NBPF9: variants seen among roughly 807,000 people sequenced by gnomAD.
The protein encoded by NBPF9 is NBPF member 9.
NBPF9 carries 91 observed loss-of-function variants against 97.8 expected under a neutral mutation model. That is an observed-to-expected ratio of 0.93 (90% CI 0.79 to 1.11). The LOEUF (loss-of-function observed/expected upper bound fraction) is 1.11. Ranked by LOEUF, NBPF9 falls within the 50% of genes least tolerant of loss-of-function variation. The pLI, the probability that NBPF9 is intolerant of heterozygous loss-of-function variation, is 0.00. For synonymous variants in NBPF9, 334 were observed against 359.5 expected (o/e 0.93, Z 0.80); for missense variants, 992 against 939.5 (o/e 1.06, Z -0.73).
chr1:149,075,162 G>A (rs1435261626), intron 12 of NBPF9, among the ~76,000 whole-genome samples: 1 of 151,670 alleles, frequency 6.6e-6, no homozygotes, highest in Non-Finnish European at 1.5e-5. Context: ...GTTCTATTAG[G>A]AGTAGACTCC....
At chr1:149,052,471 G>A (rs1361294394), downstream of NBPF9, among the ~76,000 whole-genome samples, 1 of 151,652 alleles carries the variant, frequency 6.6e-6, no homozygotes, top group African/African-American at 2.4e-5. Context: ...CATTGGGATG[G>A]GCAGACTAAG....
intron 5 of NBPF9, among the ~76,000 whole-genome samples, chr1:149,088,788 G>A (rs1340409224): frequency 6.6e-6 from 1 of 152,058 alleles, no homozygotes; most frequent in Non-Finnish European, 1.5e-5. Flanking sequence ...GGAGGCTGAG[G>A]CAGGCGGATC....
At chr1:149,070,802 A>C in intron 16 of NBPF9, 132 bp downstream of exon 16, 5 of 1,489,560 alleles carry the variant, frequency 3.4e-6, no homozygotes, top group Non-Finnish European at 4.6e-6. Flanking sequence ...AGGACAAAAA[A>C]CTCCCTGATA....
At chr1:149,085,148 G>A (rs2080885337) in intron 5 of NBPF9, among the ~76,000 whole-genome samples, 3 of 151,970 alleles carry the variant, frequency 2.0e-5, no homozygotes, top group Admixed American at 6.6e-5. Flanking sequence ...CATGGGCTGG[G>A]GGCCAGGGAT....
chr1:149,080,142 A>G (rs373006661), exon 8 of NBPF9: 70,955 of 1,332,572 alleles, frequency 0.053, 686 homozygotes, highest in East Asian at 0.38. Context: ...TGAGGTCTTT[A>G]CACTCTTCAT....
At chr1:149,101,587 C>T (rs1409460246) in intron 2 of NBPF9, among the ~76,000 whole-genome samples, 1 of 152,090 alleles carries the variant, frequency 6.6e-6, no homozygotes, top group Non-Finnish European at 1.5e-5. Flanking sequence ...TTAACAGGCA[C>T]TTCACAAAAG....
intron 20 of NBPF9, among the ~76,000 whole-genome samples, 163 bp from the exon 21 acceptor site, chr1:149,063,076 A>G (rs188890175): frequency 0.02 from 2,669 of 136,468 alleles, 77 homozygotes; most frequent in African/African-American, 0.077. Context: ...CACCATAGAG[A>G]TTCCTTGGTT....
exon 30 of NBPF9, chr1:149,055,660 T>A (rs1553648618): frequency 1.2e-6 from 2 of 1,611,780 alleles, no homozygotes; most frequent in African/African-American, 2.7e-5. Flanking sequence ...GGCTGCTTAT[T>A]GTGGGAATAT....
chr1:149,087,952 C>T (rs1421090858), intron 5 of NBPF9, among the ~76,000 whole-genome samples: 2 of 150,070 alleles, frequency 1.3e-5, no homozygotes, highest in African/African-American at 2.4e-5. Flanking sequence ...CCTGCCTCAG[C>T]CTCCCAAGTA....
chr1:149,070,915 C>G lies in NBPF9; in HGVS notation c.1585+19G>C, dbSNP rs781995788. The G allele has an allele frequency of 2.9e-5, 46 of 1,611,772 alleles. 1 individual carries two copies. Among genetic ancestry groups the G allele is most frequent in the Admixed American group, 1.0e-4 (6 of 59,980 alleles). On this transcript the variant is annotated intron_variant, in intron 16 of 29. Transcript: ENST00000584027. Reference sequence around the variant, plus strand: ...TCAGCCTAGAGAGAGGTATGAGACACAAGGAAAACAGAGGCTACCTGGAAT... The same window carrying G: ...TCAGCCTAGAGAGAGGTATGAGACAGAAGGAAAACAGAGGCTACCTGGAAT...
Position 149,062,005 on chromosome 1 carries a change from A to T in NBPF9, c.2251+88T>A, listed in dbSNP as rs1484826484. On this transcript the variant is annotated intron_variant, in intron 22 of 29. Coordinates refer to ENST00000584027, the Ensembl canonical transcript of NBPF9. ...CCTGCCTGTGGCAATGACATCTCTCAGGTCAGTAAGGGCCACTTGGAACAG... is the reference window on the plus strand; with the variant it reads ...CCTGCCTGTGGCAATGACATCTCTCTGGTCAGTAAGGGCCACTTGGAACAG... The T allele has an allele frequency of 4.4e-6, 3 of 683,550 alleles. No homozygotes were observed. In the South Asian group the frequency reaches 4.4e-5, roughly 10 times the overall value. The allele number at this position is 683,550 out of a possible 1,614,324, so 42.3% of individuals were successfully genotyped here. A position where few individuals can be genotyped will look rare whatever the true frequency, so the allele number is the denominator to read the frequency against.
chr1:149,084,428 T>TTA (rs1186413462), intron 5 of NBPF9, among the ~76,000 whole-genome samples: 74 of 146,036 alleles, frequency 5.1e-4, no homozygotes, highest in East Asian at 1.6e-3. Flanking sequence ...TGTATATATA[T>TTA]TATATATATA....
At chr1:149,053,880 GCACA>G (rs1343076248), downstream of NBPF9, 1 of 144,654 alleles carries the variant, frequency 6.9e-6, no homozygotes, top group South Asian at 2.3e-4. Flanking sequence ...AATGCCAAAG[GCACA>G]CACAGACACA....
chr1:149,058,234 G>A lies in NBPF9; in HGVS notation c.2759-19C>T, dbSNP rs1553649416. The A allele has an allele frequency of 6.0e-5, 20 of 333,134 alleles. No homozygotes were observed. The East Asian group carries it at 1.5e-3, about 25-fold the overall frequency. 20.6% of individuals were successfully genotyped at this position (333,134 alleles called of 1,614,324 possible). On this transcript the variant is annotated intron_variant, in intron 26 of 29. Coordinates refer to ENST00000584027, the Ensembl canonical transcript of NBPF9. ...TTAATTCCTGCAATACATTCAGACA[G>A]GGACAGACAAAATAAGCCAATTCAC...
chr1:149,077,782 G>A (rs4067650), intron 10 of NBPF9, 101 bp downstream of exon 10: 89,724 of 1,342,648 alleles, frequency 0.067, 8,323 homozygotes, highest in East Asian at 0.49. Flanking sequence ...TGGCCAAGGG[G>A]ATGCGGGCTT....
At chr1:149,068,330 G>A (rs2079161793) in intron 17 of NBPF9, among the ~76,000 whole-genome samples, 1 of 151,024 alleles carries the variant, frequency 6.6e-6, no homozygotes, top group South Asian at 2.1e-4. Context: ...ACACAGAATG[G>A]CAAATTGGAT....
chr1:149,082,311 T>C (rs2080542676), exon 6 of NBPF9: 10 of 1,551,422 alleles, frequency 6.4e-6, no homozygotes, highest in Non-Finnish European at 6.9e-6. Context: ...CACAGCACTT[T>C]AGGATCCTTC....
intron 5 of NBPF9, among the ~76,000 whole-genome samples, chr1:149,084,254 ATATATATACACGTG>A (rs1472435046): frequency 4.8e-5 from 7 of 146,304 alleles, no homozygotes; most frequent in Non-Finnish European, 9.0e-5. Flanking sequence ...TATATATATA[ATATATATACACGTG>A]TATATATATT....
chr1:149,065,877 C>T (rs1328407826), intron 17 of NBPF9, 188 bp from the exon 18 acceptor site: 5 of 746,690 alleles, frequency 6.7e-6, no homozygotes, highest in Non-Finnish European at 1.1e-5. Context: ...GGGGACAGAG[C>T]AAAAATGGGC....
Sources: allele counts gnomAD v4.1 joint callset (sites outside exome capture counted in the v4.1 genomes callset), GRCh38; gene constraint gnomAD v4.1.1; transcripts MANE v1.5; gene names NCBI Gene and HGNC (gene_info 2026-07-23, HGNC 2026-07-21).